The following SRRM2 variants were observed in gnomAD, a reference collection of about 807,000 sequenced individuals.
SRRM2 encodes serine/arginine repetitive matrix protein 2.
SRRM2 carries 30 observed loss-of-function variants against 213.8 expected under a neutral mutation model. That is an observed-to-expected ratio of 0.14 (90% CI 0.10 to 0.19). The LOEUF is 0.19. Among genes scored for constraint, SRRM2 ranks in the 10% least tolerant of loss-of-function variants. The pLI is 1.00. For missense variants in SRRM2, 4,904 were observed against 3,647.0 expected, an observed-to-expected ratio of 1.34 and a Z score of -8.88; for synonymous variants, 2,025 against 1,377.7, an observed-to-expected ratio of 1.47 and a Z score of -10.40.
chr16:2,766,165 A>G lies in SRRM2; in HGVS notation c.5637A>G (p.Arg1879=). 1.9e-6 allele frequency: 3 copies of G among 1,614,012 alleles called. No individual in the cohort carries two copies. The highest frequency in any genetic ancestry group is 2.5e-6 in the Non-Finnish European group (3 of 1,179,992). ...SPATHRRSRS[R]TPLISRRRSR... is the part of the protein sequence containing the mutation. ...CCACTCACCGGCGATCCAGGTCCAGAACCCCCCTGATAAGCCGACGTAGGT... is the reference window on the plus strand; with the variant it reads ...CCACTCACCGGCGATCCAGGTCCAGGACCCCCCTGATAAGCCGACGTAGGT... Residue 1879 remains arginine (R), a synonymous_variant, in exon 11 of 15, where the codon AGA becomes AGG. Coordinates refer to ENST00000301740, the MANE Select transcript of SRRM2 (RefSeq NM_016333.4). This position sits in a 1 kb window ranked among gnomAD's most constrained non-coding sequence, Gnocchi z 7.0.
chr16:2,757,629 GGCT>G, intron 3 of SRRM2, 50 bp downstream of exon 3: 7 of 1,587,468 alleles, frequency 4.4e-6, no homozygotes, highest in Admixed American at 1.8e-5. Context: ...TCTGGCTGCT[GGCT>G]GCTGCTGCTG....
At chr16:2,758,429 T>C in intron 4 of SRRM2, 41 bp from the exon 5 acceptor site, 7 of 1,494,412 alleles carry the variant, frequency 4.7e-6, no homozygotes, top group Non-Finnish European at 6.5e-6. Flanking sequence ...AAGGAATGTT[T>C]GTTCTACCAC....
rs1386814500 is a variant in SRRM2, at chr16:2,771,361, CTG to C, written c.*496_*497del. ...TAAAGGCATTTTGGTTTTTTAAAAT[CTG>C]TACAGCAAGAGCAACTTTTTCTGTC... is the stretch of plus-strand genomic sequence containing the variant. On this transcript the variant is annotated 3_prime_UTR_variant, in exon 15 of 15. Coordinates refer to ENST00000301740, the MANE Select transcript of SRRM2 (RefSeq NM_016333.4). 6.9e-6 allele frequency: 11 copies of C among 1,589,642 alleles called. No homozygotes were observed. Among genetic ancestry groups the C allele is most frequent in the Non-Finnish European group, 9.5e-6 (11 of 1,159,282 alleles).
chr16:2,755,121 A>G (rs530760272), intron 1 of SRRM2, among the ~76,000 whole-genome samples: 4 of 152,336 alleles, frequency 2.6e-5, no homozygotes, highest in African/African-American at 7.2e-5. Flanking sequence ...CTAGGAAACT[A>G]TCTTGGAGAG....
chr16:2,758,345 G>C, intron 4 of SRRM2, 125 bp from the exon 5 acceptor site: 1 of 904,220 alleles, frequency 1.1e-6, no homozygotes, highest in East Asian at 2.5e-5. Context: ...CACCCCACCT[G>C]AGGCAACAGA....
Position 2,757,596 on chromosome 16 carries a change from C to G in SRRM2, c.350+17C>G. The G allele has an allele frequency of 1.2e-6, 2 of 1,608,322 alleles. No homozygotes were observed. The highest frequency in any genetic ancestry group is 2.2e-5 in the South Asian group (2 of 90,714). ...GAGGCCAGCGTGAGTGTTGCGCTCT[C>G]CCTCGATGACTCTGGACTCTACTCT... On this transcript the variant is annotated intron_variant, in intron 3 of 14. Coordinates refer to ENST00000301740, the MANE Select transcript of SRRM2 (RefSeq NM_016333.4).
At position 2,768,141 on chromosome 16, in the gene SRRM2, C is replaced by T. The variant is rs1419866699; in HGVS notation, c.7613C>T (p.Ser2538Leu). 1.4e-5 allele frequency: 22 copies of T among 1,613,534 alleles called. No individual in the cohort carries two copies. The highest frequency in any genetic ancestry group is 5.0e-5 in the Admixed American group (3 of 59,944). Residue 2538 changes from serine to leucine, a missense_variant, in exon 11 of 15, where the codon TCG becomes TTG. By Grantham distance (145) the Ser-to-Leu change is moderately radical. Coordinates refer to ENST00000301740, the MANE Select transcript of SRRM2 (RefSeq NM_016333.4). ...KERRSSSSSS[S>L]SSSSSSSSSS... is the part of the protein sequence containing the mutation. ...CGGCGGAGTTCCTCCTCGTCGTCGT[C>T]GTCCTCTAGCTCCTCCTCTTCTTCA...
At chr16:2,769,607 T>A (rs111505614) in intron 12 of SRRM2, 78 of 610,164 alleles carry the variant, frequency 1.3e-4, no homozygotes, top group African/African-American at 2.3e-4. Context: ...CACCATCATC[T>A]TCTCCCGACT....
In SRRM2 at chr16:2,767,778, C is replaced by G. The variant is rs762500992; in HGVS notation, c.7250C>G (p.Ser2417Cys). The change falls in exon 11 of 15, where the codon TCT becomes TGT. Residue 2417 changes from serine (S) to cysteine (C), a missense_variant. Transcript: ENST00000301740. ...SRTPPSAPSQ[S>C]RMTSERAPSP... ...ACACCACCGTCTGCCCCAAGCCAAT[C>G]TAGGATGACCTCTGAACGGGCTCCC... 36 of 1,613,896 alleles carry G rather than the reference C, an allele frequency of 2.2e-5. No individual in the cohort carries two copies. The highest frequency in any genetic ancestry group is 3.0e-5 in the Non-Finnish European group (35 of 1,179,914).
At position 2,770,680 on chromosome 16, in the gene SRRM2, A is replaced by G. The variant is rs1177953255; in HGVS notation, c.8212A>G (p.Thr2738Ala). 3.9e-6 allele frequency: 6 copies of G among 1,555,918 alleles called. No individual in the cohort carries two copies. Among genetic ancestry groups the G allele is most frequent in the Non-Finnish European group, 5.2e-6 (6 of 1,149,066 alleles). The change falls in exon 14 of 15, where the codon ACA (threonine) becomes GCA (alanine). Residue 2738 changes from threonine to alanine, a missense_variant. Coordinates refer to ENST00000301740, the MANE Select transcript of SRRM2 (RefSeq NM_016333.4). ...RSPSHKRRRETPSPRPMRHRS... is the reference protein window; with the variant it reads ...RSPSHKRRREAPSPRPMRHRS... Reference sequence around the variant, plus strand: ...CCCCAGCCACAAGCGCAGGAGGGAGACACCTAGCCCTCGGCCCATGAGACA... The same window carrying G: ...CCCCAGCCACAAGCGCAGGAGGGAGGCACCTAGCCCTCGGCCCATGAGACA...
rs775533866 is a variant in SRRM2, at chr16:2,764,596, T to C, written c.4068T>C (p.Asn1356=). The change falls in exon 11 of 15, where the codon AAT becomes AAC. Residue 1356 remains asparagine (N), a synonymous_variant. Coordinates refer to ENST00000301740, the MANE Select transcript of SRRM2 (RefSeq NM_016333.4). The part of the protein sequence containing the change: ...GFSSEVKEDL[N]GPFLNQLETD... ...CTTCTGAGGTTAAAGAAGATTTGAA[T>C]GGACCGTTTCTTAATCAGCTGGAAA... is the stretch of plus-strand genomic sequence containing the variant. 8.7e-6 allele frequency: 14 copies of C among 1,614,240 alleles called. No individual in the cohort carries two copies. Among genetic ancestry groups the C allele is most frequent in the Non-Finnish European group, 1.2e-5 (14 of 1,180,048 alleles).
rs747331898 is a variant in SRRM2 at position 2,759,374 on chromosome 16, C to T, written c.712C>T (p.Arg238Cys). The T allele has an allele frequency of 6.3e-7, 1 of 1,596,416 alleles. No individual in the cohort carries two copies. Among genetic ancestry groups the T allele is most frequent in the Admixed American group, 1.8e-5 (1 of 54,624 alleles). Residue 238 changes from arginine (R) to cysteine (C), a missense_variant, in exon 8 of 15, where the codon CGT becomes TGT. Coordinates refer to ENST00000301740, the MANE Select transcript of SRRM2 (RefSeq NM_016333.4). ...CAGGTCTCCCACTCCAAAGAGCAAA[C>T]GTAAATCTAAGGACAAAAAGCGAAA... ...KHRSPTPKSK[R>C]KSKDKKRKRS...
At position 2,766,571 on chromosome 16, in the gene SRRM2, C is replaced by A; in HGVS notation, c.6043C>A (p.Arg2015Ser). 1 of 1,614,176 alleles carries A rather than the reference C, an allele frequency of 6.2e-7. No individual in the cohort carries two copies. Among genetic ancestry groups the A allele is most frequent in the Middle Eastern group, 1.6e-4 (1 of 6,062 alleles). ...CCGCTCTCGAACCTCACCAGTGACA[C>A]GCCGCCGCTCTAGGTCCCGGACACC... The part of the protein sequence containing the change: ...RSRSRTSPVT[R>S]RRSRSRTPPA... Residue 2015 changes from arginine to serine, a missense_variant, in exon 11 of 15, where the codon CGC (arginine) becomes AGC (serine). Physicochemically the swap from Arg to Ser is moderately radical, Grantham distance 110. Coordinates refer to ENST00000301740, the MANE Select transcript of SRRM2 (RefSeq NM_016333.4). The surrounding 1 kb of genome is among the most constrained non-coding windows in gnomAD (Gnocchi z 7.0).
At chr16:2,768,762 C>A in intron 11 of SRRM2, 1 of 790,886 alleles carries the variant, frequency 1.3e-6, no homozygotes, top group Non-Finnish European at 2.1e-6. Flanking sequence ...CAGGGACATT[C>A]TTGAGGTTTA....
Position 2,766,900 on chromosome 16 carries a change from A to C in SRRM2, c.6372A>C (p.Pro2124=). 3 of 1,613,976 alleles carry C rather than the reference A, an allele frequency of 1.9e-6. No individual in the cohort carries two copies. Among genetic ancestry groups the C allele is most frequent in the South Asian group, 2.2e-5 (2 of 91,070 alleles). ...MSCFSRPSMS[P]TPLDRCRSPG... ...GCTTCAGTCGTCCTAGCATGTCCCCAACACCTCTTGATCGCTGCAGATCAC... is the reference window on the plus strand; with the variant it reads ...GCTTCAGTCGTCCTAGCATGTCCCCCACACCTCTTGATCGCTGCAGATCAC... The change falls in exon 11 of 15, where the codon CCA becomes CCC. Residue 2124 remains proline, a synonymous_variant. Coordinates refer to ENST00000301740, the MANE Select transcript of SRRM2 (RefSeq NM_016333.4). The surrounding 1 kb of genome is among the most constrained non-coding windows in gnomAD (Gnocchi z 7.0).
Position 2,762,676 on chromosome 16 carries a change from A to G in SRRM2, c.2148A>G (p.Arg716=). The change falls in exon 11 of 15, where the codon AGA becomes AGG. Residue 716 remains arginine (R), a synonymous_variant. Coordinates refer to ENST00000301740, the MANE Select transcript of SRRM2 (RefSeq NM_016333.4). ...TTAGACGTGGAAGATCTCACTCTAG[A>G]ACACCTCAAAGAAGAGGCAGATCTG... ...SLVRRGRSHS[R]TPQRRGRSGS... is the part of the protein sequence containing the mutation. 3 of 1,614,184 alleles carry G rather than the reference A, an allele frequency of 1.9e-6. No individual in the cohort carries two copies. The highest frequency in any genetic ancestry group is 2.2e-5 in the East Asian group (1 of 44,880).
At chr16:2,758,681 C>A in intron 5 of SRRM2, 134 bp downstream of exon 5, 4 of 841,692 alleles carry the variant, frequency 4.8e-6, no homozygotes, top group Non-Finnish European at 7.7e-6. Flanking sequence ...ACCATTGAGG[C>A]CTCAACTAGA....
chr16:2,766,463 C>G lies in SRRM2; in HGVS notation c.5935C>G (p.Arg1979Gly), dbSNP rs200336431. 6.2e-7 allele frequency: 1 copy of G among 1,614,124 alleles called. No individual in the cohort carries two copies. The highest frequency in any genetic ancestry group is 8.5e-7 in the Non-Finnish European group (1 of 1,180,034). The change falls in exon 11 of 15, where the codon CGC becomes GGC. Residue 1979 changes from arginine to glycine, a missense_variant. Physicochemically the swap from Arg to Gly is moderately radical, Grantham distance 125. Transcript: ENST00000301740. The surrounding 1 kb of genome is among the most constrained non-coding windows in gnomAD (Gnocchi z 7.0). ...RSRSRTSPIT[R>G]RRSRSRTSPV... ...TCGAAGCAGAACTTCGCCTATCACT[C>G]GCAGAAGATCAAGATCCAGAACATC...
chr16:2,765,023 T>C lies in SRRM2; in HGVS notation c.4495T>C (p.Ser1499Pro). The change falls in exon 11 of 15, where the codon TCT (serine) becomes CCT (proline). Residue 1499 changes from serine to proline, a missense_variant. Ser to Pro is a moderately conservative substitution (Grantham distance 74). Transcript: ENST00000301740. ...TCAGACTCCTAGGCCGAGGAGTCGT[T>C]CTCCATCATCCCCAGAGCTCAACAA... ...LPQTPRPRSR[S>P]PSSPELNNKC... 6.2e-7 allele frequency: 1 copy of C among 1,614,020 alleles called. No individual in the cohort carries two copies. Among genetic ancestry groups the C allele is most frequent in the African/African-American group, 1.3e-5 (1 of 75,032 alleles).
Sources: gnomAD v4.1 joint callset for allele counts (sites outside exome capture counted in the v4.1 genomes callset) on GRCh38, gnomAD v4.1.1 for gene constraint, Gnocchi (gnomAD v3.1) non-coding constraint, MANE v1.5 for transcripts, NCBI Gene and HGNC (gene_info 2026-07-23, HGNC 2026-07-21) for gene names.